The following OR2L13 variants were observed in gnomAD, a reference collection of about 807,000 sequenced individuals.
OR2L13 encodes olfactory receptor 2L13.
Under a neutral mutation model 15.3 loss-of-function variants are expected in OR2L13, and 14 were observed. The ratio of observed to expected loss-of-function variants is 0.91; its 90% CI spans 0.60 to 1.43. OR2L13 has a LOEUF of 1.43. OR2L13 is among the 40% of genes most tolerant of loss of function. The probability of loss-of-function intolerance (pLI) is 0.00; values close to 1 mark genes in which losing one functional copy is unlikely to be tolerated. For missense variants in OR2L13, 367 were observed against 387.9 expected (o/e 0.95, Z 0.45); for synonymous variants, 152 against 142.9 (o/e 1.06, Z -0.45).
upstream of OR2L13, among the ~76,000 whole-genome samples, chr1:248,094,022 T>C (rs757529372): frequency 1.9e-4 from 29 of 152,110 alleles, no homozygotes; most frequent in Non-Finnish European, 3.8e-4. Context: ...ATGACTATAG[T>C]TAACAATAAT....
chr1:248,045,598 C>T, the OR2L13 span, among the ~76,000 whole-genome samples: 2 of 152,208 alleles, frequency 1.3e-5, no homozygotes, highest in Non-Finnish European at 2.9e-5. Context: ...TTGCACTAGA[C>T]ATGGCACCTA....
chr1:248,068,185 A>C, the OR2L13 span, among the ~76,000 whole-genome samples: 1 of 152,178 alleles, frequency 6.6e-6, no homozygotes, highest in African/African-American at 2.4e-5. Context: ...GAAAGGGCAG[A>C]CTGCCTCCTC....
At chr1:248,014,546 C>T in the OR2L13 span, among the ~76,000 whole-genome samples, 1 of 151,928 alleles carries the variant, frequency 6.6e-6, no homozygotes, top group Non-Finnish European at 1.5e-5. Flanking sequence ...GCTTTAAGAA[C>T]CATGCAGTGG....
chr1:247,965,493 G>A, the OR2L13 span: 3 of 1,613,378 alleles, frequency 1.9e-6, no homozygotes, highest in South Asian at 1.1e-5. Flanking sequence ...CAGTTGCTCT[G>A]ACAGGAAATA....
At chr1:247,975,666 CTT>C in the OR2L13 span, 2 of 1,064,588 alleles carry the variant, frequency 1.9e-6, no homozygotes, top group Admixed American at 3.7e-5. Flanking sequence ...TGAAGACAAA[CTT>C]TCTGCCTTAG....
chr1:247,994,891 T>C, the OR2L13 span, among the ~76,000 whole-genome samples: 1 of 151,448 alleles, frequency 6.6e-6, no homozygotes, highest in African/African-American at 2.5e-5. Context: ...TTTAATAAAA[T>C]CAACACTCAA....
Position 248,099,708 on chromosome 1 carries a change from C to T in OR2L13, c.333C>T (p.Gly111=), listed in dbSNP as rs755634196. Residue 111 remains glycine (G), a synonymous_variant, in exon 3 of 3, where the codon GGC becomes GGT. Coordinates refer to ENST00000641714, the Ensembl canonical transcript of OR2L13. Reference sequence around the variant, plus strand: ...TCCTGACCATGGCGTGTTCTGAAGGCTTACTCCTGACCTCCATGGCCTACG... The same window carrying T: ...TCCTGACCATGGCGTGTTCTGAAGGTTTACTCCTGACCTCCATGGCCTACG... The T allele has an allele frequency of 3.7e-6, 6 of 1,613,966 alleles. No individual in the cohort carries two copies. In the South Asian group the frequency reaches 6.6e-5, roughly 18 times the overall value.
chr1:248,052,613 C>T, the OR2L13 span, among the ~76,000 whole-genome samples: 1 of 152,026 alleles, frequency 6.6e-6, no homozygotes, highest in Admixed American at 6.6e-5. Flanking sequence ...CACCTGTAGT[C>T]CCAGCTACTC....
chr1:248,021,934 C>G, the OR2L13 span: 2 of 1,596,080 alleles, frequency 1.3e-6, no homozygotes, highest in Non-Finnish European at 1.7e-6. Flanking sequence ...CAGGAAGGAT[C>G]GTATGAATGC....
At chr1:247,970,533 G>A in the OR2L13 span, among the ~76,000 whole-genome samples, 1 of 152,082 alleles carries the variant, frequency 6.6e-6, no homozygotes, top group Non-Finnish European at 1.5e-5. Context: ...TTCTTAGAAT[G>A]CAACTTGGAT....
the OR2L13 span, chr1:248,038,668 G>A: frequency 2.0e-4 from 329 of 1,613,994 alleles, no homozygotes; most frequent in Non-Finnish European, 2.5e-4. Flanking sequence ...TATCCCATCC[G>A]TATAAGCAAA....
the OR2L13 span, among the ~76,000 whole-genome samples, chr1:247,970,986 A>C: frequency 6.6e-6 from 1 of 152,174 alleles, no homozygotes; most frequent in Non-Finnish European, 1.5e-5. Context: ...CATGTCCTTC[A>C]CTCCTTTACT....
chr1:248,082,207 T>C, the OR2L13 span, among the ~76,000 whole-genome samples: 6 of 145,578 alleles, frequency 4.1e-5, no homozygotes, highest in East Asian at 2.0e-4. Context: ...ATGGATGAAA[T>C]TGGAAATCAT....
the OR2L13 span, chr1:248,039,855 T>G: frequency 6.6e-6 from 1 of 152,240 alleles, no homozygotes; most frequent in Non-Finnish European, 1.5e-5. Flanking sequence ...CTTAAAGTAA[T>G]GTTTTACTAA....
the OR2L13 span, among the ~76,000 whole-genome samples, chr1:248,033,006 G>A: frequency 6.6e-6 from 1 of 152,072 alleles, no homozygotes; most frequent in Non-Finnish European, 1.5e-5. Flanking sequence ...GTAAATCAAG[G>A]AGCATCTGGA....
chr1:247,990,835 G>C, the OR2L13 span: 1 of 1,585,240 alleles, frequency 6.3e-7, no homozygotes, highest in Non-Finnish European at 8.7e-7. Context: ...AGCCTGCACG[G>C]ATACCTGGGT....
At chr1:248,071,498 T>C in the OR2L13 span, among the ~76,000 whole-genome samples, 1 of 152,108 alleles carries the variant, frequency 6.6e-6, no homozygotes, top group Non-Finnish European at 1.5e-5. Flanking sequence ...GAGCTGTCTA[T>C]GACAAACCCA....
At chr1:248,080,958 T>G in the OR2L13 span, among the ~76,000 whole-genome samples, 1,221 of 152,306 alleles carry the variant, frequency 8.0e-3, 7 homozygotes, top group African/African-American at 0.01. Context: ...ATTTTGTTTC[T>G]ACCATTCATG....
At chr1:247,948,722 A>G in the OR2L13 span, 1 of 664,312 alleles carries the variant, frequency 1.5e-6, no homozygotes, top group African/African-American at 1.8e-5. Context: ...ATAATAGTGT[A>G]TTTAGGGTTC....
Sources: allele counts gnomAD v4.1 joint callset (sites outside exome capture counted in the v4.1 genomes callset), GRCh38; gene constraint gnomAD v4.1.1; transcripts MANE v1.5; gene names NCBI Gene and HGNC (gene_info 2026-07-23, HGNC 2026-07-21).